GRM5: variants seen among roughly 807,000 people sequenced by gnomAD.
The protein encoded by GRM5 is glutamate metabotropic receptor 5.
GRM5 carries 19 observed loss-of-function variants against 83.1 expected under a neutral mutation model. The ratio of observed to expected loss-of-function variants is 0.23; its 90% CI spans 0.16 to 0.34. GRM5 has a LOEUF of 0.34. GRM5 is among the 10% of genes least tolerant of loss of function. The pLI is 1.00. For synonymous variants in GRM5, 675 were observed against 633.6 expected (o/e 1.07, Z -0.98); for missense variants, 1,160 against 1,588.3 (o/e 0.73, Z 4.58).
chr11:88,978,416 G>T (rs541160916), intron 2 of GRM5, among the ~76,000 whole-genome samples: 1 of 131,458 alleles, frequency 7.6e-6, no homozygotes, highest in Admixed American at 8.6e-5. Flanking sequence ...CACACTGGAA[G>T]AAGAATTGTC....
chr11:88,847,804 C>A (rs1944324694), intron 3 of GRM5, among the ~76,000 whole-genome samples: 1 of 152,074 alleles, frequency 6.6e-6, no homozygotes, highest in African/African-American at 2.4e-5. Context: ...ATGGAAAGAA[C>A]TCTATGTTTA....
intron 6 of GRM5, among the ~76,000 whole-genome samples, chr11:88,592,106 A>C (rs1937653469): frequency 6.6e-6 from 1 of 152,224 alleles, no homozygotes; most frequent in South Asian, 2.1e-4. Flanking sequence ...ATATTTTGAA[A>C]GACGCAGGGG....
intron 1 of GRM5, among the ~76,000 whole-genome samples, chr11:89,054,989 G>A (rs185008934): frequency 1.6e-3 from 245 of 152,144 alleles, no homozygotes; most frequent in African/African-American, 5.7e-3. Context: ...TGGAACTGAG[G>A]GATATGCTTT....
chr11:88,569,217 GT>G (rs955663113), intron 7 of GRM5, among the ~76,000 whole-genome samples: 6 of 152,162 alleles, frequency 3.9e-5, no homozygotes, highest in African/African-American at 1.4e-4. Context: ...TGCTTCTAAT[GT>G]GCAACCAAAG....
chr11:88,780,897 G>A (rs1254571043), intron 3 of GRM5, among the ~76,000 whole-genome samples: 1 of 151,908 alleles, frequency 6.6e-6, no homozygotes, highest in Non-Finnish European at 1.5e-5. Context: ...CAGCTCTCAA[G>A]TGTGAGACAA....
At chr11:88,656,754 A>G (rs1939776438) in intron 3 of GRM5, among the ~76,000 whole-genome samples, 1 of 152,180 alleles carries the variant, frequency 6.6e-6, no homozygotes, top group African/African-American at 2.4e-5. Context: ...GATTTCATCA[A>G]TAATTAATTG....
chr11:88,648,784 A>G (rs1227724826), intron 4 of GRM5, among the ~76,000 whole-genome samples: 1 of 151,912 alleles, frequency 6.6e-6, no homozygotes, highest in African/African-American at 2.4e-5. Flanking sequence ...ATATAGGCCA[A>G]ATTTTCTTTC....
At chr11:88,969,426 A>C (rs569227273) in intron 2 of GRM5, among the ~76,000 whole-genome samples, 12 of 152,190 alleles carry the variant, frequency 7.9e-5, no homozygotes, top group African/African-American at 2.9e-4. Flanking sequence ...GAATGCATCA[A>C]ATCTAATTTC....
chr11:88,678,874 A>T (rs1165778584), intron 3 of GRM5, among the ~76,000 whole-genome samples: 3 of 152,052 alleles, frequency 2.0e-5, no homozygotes, highest in African/African-American at 7.2e-5. Context: ...AAAGTATCCC[A>T]TTTGAAGCTC....
chr11:88,990,179 T>A (rs1241155651), intron 2 of GRM5, among the ~76,000 whole-genome samples: 1 of 148,738 alleles, frequency 6.7e-6, no homozygotes, highest in Non-Finnish European at 1.5e-5. Flanking sequence ...ATAAAGGGGA[T>A]ATCACCACCG....
At chr11:88,848,208 C>A (rs1944329726) in intron 3 of GRM5, among the ~76,000 whole-genome samples, 1 of 152,090 alleles carries the variant, frequency 6.6e-6, no homozygotes, top group African/African-American at 2.4e-5. Flanking sequence ...ATCATTCCTG[C>A]CAACTAGCGA....
At chr11:89,036,670 ATTTG>A (rs1251522264) in intron 2 of GRM5, among the ~76,000 whole-genome samples, 36 of 32,640 alleles carry the variant, frequency 1.1e-3, no homozygotes, top group African/African-American at 4.7e-3. Flanking sequence ...TTGTACTCAA[ATTTG>A]CCCCAAAGTC....
chr11:88,623,470 T>C (rs1042766223), intron 4 of GRM5, among the ~76,000 whole-genome samples: 8 of 152,146 alleles, frequency 5.3e-5, no homozygotes, highest in Non-Finnish European at 1.0e-4. Flanking sequence ...AATTAAGCTA[T>C]AGAAATCTTC....
At chr11:88,539,123 C>T (rs1942205588) in intron 8 of GRM5, among the ~76,000 whole-genome samples, 1 of 152,196 alleles carries the variant, frequency 6.6e-6, no homozygotes. Flanking sequence ...TAAATTTTCT[C>T]AGTCTGGGGA....
chr11:88,582,200 G>A (rs1393482763), intron 7 of GRM5, among the ~76,000 whole-genome samples: 1 of 152,188 alleles, frequency 6.6e-6, no homozygotes, highest in East Asian at 1.9e-4. Flanking sequence ...AGTAGGAAGT[G>A]GGGCTCGATC....
chr11:88,653,949 C>A (rs11020801), intron 3 of GRM5, among the ~76,000 whole-genome samples: 108,302 of 152,026 alleles, frequency 0.71, 43,490 homozygotes, highest in South Asian at 0.92. Flanking sequence ...TTACTCTATT[C>A]AATGTTGATT....
At chr11:88,680,915 A>G (rs920725022) in intron 3 of GRM5, among the ~76,000 whole-genome samples, 3 of 152,204 alleles carry the variant, frequency 2.0e-5, no homozygotes, top group African/African-American at 7.2e-5. Flanking sequence ...TCACAGCGTC[A>G]AATACTATGT....
chr11:88,868,290 T>A (rs1944705351), intron 2 of GRM5, among the ~76,000 whole-genome samples: 1 of 151,854 alleles, frequency 6.6e-6, no homozygotes, highest in Admixed American at 6.6e-5. Context: ...TTCACTTGAA[T>A]TAATCAAAGC....
intron 2 of GRM5, among the ~76,000 whole-genome samples, chr11:88,889,724 T>C (rs559169078): frequency 2.0e-5 from 3 of 152,332 alleles, no homozygotes; most frequent in East Asian, 3.9e-4. Context: ...CTCAGTTGAC[T>C]AAATCATCTT....
Sources: allele counts gnomAD v4.1 joint callset (sites outside exome capture counted in the v4.1 genomes callset), GRCh38; gene constraint gnomAD v4.1.1; transcripts MANE v1.5; gene names NCBI Gene and HGNC (gene_info 2026-07-23, HGNC 2026-07-21).